PGBD2: variants seen among roughly 807,000 people sequenced by gnomAD.
PGBD2 encodes piggyBac transposable element derived 2.
In PGBD2, 6 loss-of-function variants were observed where a neutral mutation model predicts 8.1. That is an observed-to-expected ratio of 0.74 (90% CI 0.40 to 1.46). The LOEUF is 1.46. Ranked by LOEUF, PGBD2 falls within the 40% of genes most tolerant of loss-of-function variation. The probability of loss-of-function intolerance (pLI) is 0.02; values close to 1 mark genes in which losing one functional copy is unlikely to be tolerated. For missense variants in PGBD2, 802 were observed against 739.0 expected (o/e 1.09, Z -0.99); for synonymous variants, 318 against 272.2 (o/e 1.17, Z -1.66).
chr1:248,903,920 A>C (rs909108743), upstream of PGBD2, among the ~76,000 whole-genome samples: 1 of 152,220 alleles, frequency 6.6e-6, no homozygotes, highest in Non-Finnish European at 1.5e-5. Context: ...CATCAACCAT[A>C]AGGTGTTATT....
At chr1:248,900,706 A>G in the PGBD2 span, among the ~76,000 whole-genome samples, 21,423 of 152,158 alleles carry the variant, frequency 0.14, 4,301 homozygotes, top group African/African-American at 0.45. Flanking sequence ...CTCTCTCACT[A>G]TTCCTATTCA....
At chr1:248,897,035 C>T in the PGBD2 span, among the ~76,000 whole-genome samples, 2 of 152,192 alleles carry the variant, frequency 1.3e-5, no homozygotes, top group Non-Finnish European at 2.9e-5. Flanking sequence ...AAAATTTATT[C>T]AAAGACCTGT....
At chr1:248,924,298 C>T (rs182384316), downstream of PGBD2, among the ~76,000 whole-genome samples, 257 of 152,342 alleles carry the variant, frequency 1.7e-3, 2 homozygotes, top group Admixed American at 7.0e-3. Context: ...GCTTCCAGCA[C>T]GTGGCGTGCA....
the PGBD2 span, among the ~76,000 whole-genome samples, chr1:248,890,935 ACCC>A: frequency 2.0e-5 from 3 of 146,464 alleles, no homozygotes; most frequent in Non-Finnish European, 3.0e-5. Flanking sequence ...ACACCTCCCC[ACCC>A]CCGACACAGC....
intron 1 of PGBD2, among the ~76,000 whole-genome samples, chr1:248,906,727 G>C (rs903143956): frequency 1.3e-5 from 2 of 151,484 alleles, no homozygotes; most frequent in Non-Finnish European, 2.9e-5. Context: ...CGAATGCCAC[G>C]TCACATCCTG....
the PGBD2 span, among the ~76,000 whole-genome samples, chr1:248,926,491 C>T: frequency 2.0e-5 from 3 of 152,146 alleles, no homozygotes; most frequent in African/African-American, 7.2e-5. Context: ...TCGTCTACGT[C>T]CTTCACTGCA....
At chr1:248,881,547 C>G in the PGBD2 span, among the ~76,000 whole-genome samples, 23 of 152,304 alleles carry the variant, frequency 1.5e-4, no homozygotes, top group South Asian at 1.7e-3. Flanking sequence ...TCTGACATGT[C>G]TATGATTGTA....
chr1:248,896,004 C>A, the PGBD2 span, among the ~76,000 whole-genome samples: 2 of 151,902 alleles, frequency 1.3e-5, no homozygotes, highest in African/African-American at 2.4e-5. Context: ...AGTCTTTTAT[C>A]CATCACGCCC....
At chr1:248,920,766 TA>T (rs1229856584), downstream of PGBD2, among the ~76,000 whole-genome samples, 1 of 152,220 alleles carries the variant, frequency 6.6e-6, no homozygotes, top group African/African-American at 2.4e-5. Context: ...ACTAACAGTG[TA>T]AAAGCGTCCC....
At chr1:248,897,623 C>T in the PGBD2 span, among the ~76,000 whole-genome samples, 1 of 152,280 alleles carries the variant, frequency 6.6e-6, no homozygotes, top group South Asian at 2.1e-4. Context: ...CTCGGGAAGG[C>T]ACAGAGATGC....
the PGBD2 span, among the ~76,000 whole-genome samples, chr1:248,877,144 A>G: frequency 1.3e-5 from 2 of 152,224 alleles, no homozygotes; most frequent in East Asian, 3.8e-4. Flanking sequence ...TGTTGACCCC[A>G]GCAAACAATA....
chr1:248,907,445 CT>C (rs1661694309), intron 1 of PGBD2, among the ~76,000 whole-genome samples: 1 of 152,234 alleles, frequency 6.6e-6, no homozygotes, highest in African/African-American at 2.4e-5. Flanking sequence ...CTGCAAGAGG[CT>C]TTCCTCTTTT....
the PGBD2 span, among the ~76,000 whole-genome samples, chr1:248,883,465 AT>A: frequency 1.4e-5 from 2 of 146,478 alleles, no homozygotes; most frequent in Non-Finnish European, 1.5e-5. Context: ...TTGCTTGATG[AT>A]TTGTTTCAGT....
At chr1:248,878,197 T>G in the PGBD2 span, among the ~76,000 whole-genome samples, 3 of 129,284 alleles carry the variant, frequency 2.3e-5, no homozygotes, top group Non-Finnish European at 1.6e-5. Flanking sequence ...TTTTTTTTTT[T>G]GAGACGGAGT....
chr1:248,907,135 G>A (rs1182511170), intron 1 of PGBD2, among the ~76,000 whole-genome samples: 2 of 152,202 alleles, frequency 1.3e-5, no homozygotes, highest in Non-Finnish European at 2.9e-5. Flanking sequence ...GAATGCGGTA[G>A]GAGAGCAGGG....
chr1:248,926,030 C>G, the PGBD2 span, among the ~76,000 whole-genome samples: 2 of 152,106 alleles, frequency 1.3e-5, no homozygotes, highest in Non-Finnish European at 2.9e-5. Flanking sequence ...GCTGTCACTT[C>G]CTCTAAGGAC....
downstream of PGBD2, among the ~76,000 whole-genome samples, chr1:248,920,146 CT>C (rs375371729): frequency 0.018 from 2,675 of 150,338 alleles, 90 homozygotes; most frequent in African/African-American, 0.061. Context: ...CAGTATATAT[CT>C]TTTTTTTTTC....
At chr1:248,876,393 T>A in the PGBD2 span, among the ~76,000 whole-genome samples, 1 of 152,240 alleles carries the variant, frequency 6.6e-6, no homozygotes, top group Non-Finnish European at 1.5e-5. Context: ...GAACAGGTTC[T>A]CAATACTTTA....
chr1:248,915,969 C>A (rs898531919), intron 2 of PGBD2, among the ~76,000 whole-genome samples: 1 of 152,126 alleles, frequency 6.6e-6, no homozygotes, highest in African/African-American at 2.4e-5. Context: ...CTCCCTGTTG[C>A]CAGTTTCTGT....
Sources: allele counts gnomAD v4.1 joint callset (sites outside exome capture counted in the v4.1 genomes callset), GRCh38; gene constraint gnomAD v4.1.1; transcripts MANE v1.5; gene names NCBI Gene and HGNC (gene_info 2026-07-23, HGNC 2026-07-21).